The following TMEM120A variants were observed in gnomAD, a reference collection of about 807,000 sequenced individuals.
The protein encoded by TMEM120A is ion channel TACAN.
In TMEM120A, 45 loss-of-function variants were observed where a neutral mutation model predicts 54.3. The observed-to-expected ratio is 0.83, with a 90% confidence interval of 0.65 to 1.06. The LOEUF is 1.06. Ranked by LOEUF, TMEM120A falls within the 50% of genes least tolerant of loss-of-function variation. The pLI is 0.00. For missense variants in TMEM120A, 424 were observed against 441.7 expected, an observed-to-expected ratio of 0.96 and a Z score of 0.36; for synonymous variants, 204 against 178.5, an observed-to-expected ratio of 1.14 and a Z score of -1.14.
rs782279908 is a variant in TMEM120A, at chr7:75,988,439, C to T, written c.455G>A (p.Arg152His). The T allele has an allele frequency of 1.9e-5, 31 of 1,610,852 alleles. No individual in the cohort carries two copies. The highest frequency in any genetic ancestry group is 5.0e-5 in the Admixed American group (3 of 59,832). ...CGCCCACCTGGAGTTGAGCAGGAAG[C>T]GGCAAGTGAAGGAGATGAGGATGAG... is the stretch of plus-strand genomic sequence containing the variant. Reference protein sequence around the residue: ...IILILISFTCRFLLNSRVTDA... With the variant: ...IILILISFTCHFLLNSRVTDA... Residue 152 changes from arginine (R) to histidine (H), a missense_variant, in exon 5 of 12, where the codon CGC (arginine) becomes CAC (histidine). By Grantham distance (29) the Arg-to-His change is conservative. Coordinates refer to ENST00000493111, the MANE Select transcript of TMEM120A (RefSeq NM_031925.3).
At chr7:75,992,937 G>C (rs1307387548) in intron 1 of TMEM120A, among the ~76,000 whole-genome samples, 1 of 152,204 alleles carries the variant, frequency 6.6e-6, no homozygotes, top group Non-Finnish European at 1.5e-5. Flanking sequence ...CAAGTAGCTA[G>C]GATTACAGGC....
chr7:75,990,253 C>T (rs992901848), intron 3 of TMEM120A, among the ~76,000 whole-genome samples: 1 of 152,230 alleles, frequency 6.6e-6, no homozygotes, highest in Non-Finnish European at 1.5e-5. Context: ...CCTCCCACCT[C>T]GGGCCCCACC....
rs1789632784 is a variant in TMEM120A, at chr7:75,988,281, C to T, written c.534G>A (p.Arg178=). 1 of 1,612,254 alleles carries T rather than the reference C, an allele frequency of 6.2e-7. No homozygotes were observed. The highest frequency in any genetic ancestry group is 1.3e-5 in the African/African-American group (1 of 75,028). The change falls in exon 6 of 12, where the codon CGG becomes CGA. Residue 178 remains arginine, a synonymous_variant. Transcript: ENST00000493111. The stretch of plus-strand genomic sequence containing the variant: ...AGCCGTTGTTGATGAGGATGCTCTC[C>T]CGGATGGTCAGGGTGCAGTAGTACC... ...LVWYYCTLTI[R]ESILINNGSR...
intron 3 of TMEM120A, among the ~76,000 whole-genome samples, chr7:75,990,378 C>A (rs1185272288): frequency 1.3e-5 from 2 of 152,152 alleles, no homozygotes; most frequent in Non-Finnish European, 2.9e-5. Flanking sequence ...CCCCCACTAG[C>A]CCTTCTCGCT....
At position 75,993,259 on chromosome 7, in the gene TMEM120A, C is replaced by G. The variant is rs567646867; in HGVS notation, c.82-702G>C. ...CCTCTATCCTCTCAGCTCCTCCTGCCTATCTAGCCTTCCAGTACAGGAGGA... is the reference window on the plus strand; with the variant it reads ...CCTCTATCCTCTCAGCTCCTCCTGCGTATCTAGCCTTCCAGTACAGGAGGA... On this transcript the variant is annotated intron_variant, in intron 1 of 11. Transcript: ENST00000493111. Among the ~76,000 whole-genome samples, 3 of 152,322 alleles carry G rather than the reference C, an allele frequency of 2.0e-5. 1 individual carries two copies. The South Asian group carries it at 6.2e-4, about 32-fold the overall frequency.
intron 3 of TMEM120A, among the ~76,000 whole-genome samples, chr7:75,989,942 C>T (rs1178496591): frequency 6.6e-6 from 1 of 152,168 alleles, no homozygotes; most frequent in Non-Finnish European, 1.5e-5. Flanking sequence ...CAAGAGGTGA[C>T]AGCAAAGTCA....
At chr7:75,994,415 AG>A in intron 1 of TMEM120A, 74 bp downstream of exon 1, 1 of 1,381,274 alleles carries the variant, frequency 7.2e-7, no homozygotes, top group East Asian at 2.6e-5. Flanking sequence ...TGCCTGACCC[AG>A]GGCTGCCCGA....
chr7:75,986,961 C>T lies in TMEM120A; in HGVS notation c.*211G>A, dbSNP rs1001382738. 2 of 605,224 alleles carry T rather than the reference C, an allele frequency of 3.3e-6. No homozygotes were observed. The highest frequency in any genetic ancestry group is 5.5e-5 in the East Asian group (2 of 36,292). 37.5% of individuals were successfully genotyped at this position (605,224 alleles called of 1,614,324 possible). A position where few individuals can be genotyped will look rare whatever the true frequency, so the allele number is the denominator to read the frequency against. On this transcript the variant is annotated 3_prime_UTR_variant, in exon 12 of 12. Coordinates refer to ENST00000493111, the MANE Select transcript of TMEM120A (RefSeq NM_031925.3). ...TGGGGCCACCCAGCCCTCCCCTCCC[C>T]CAGGAGAACACACACGCTCAGGCCA...
intron 3 of TMEM120A, 55 bp downstream of exon 3, chr7:75,992,089 C>T (rs1040230766): frequency 3.8e-6 from 5 of 1,317,510 alleles, no homozygotes; most frequent in African/African-American, 2.9e-5. Flanking sequence ...GGAGGCAGCA[C>T]CCGGCTTCAG....
intron 6 of TMEM120A, 43 bp downstream of exon 6, chr7:75,988,209 A>G (rs377257405): frequency 2.5e-5 from 40 of 1,611,422 alleles, no homozygotes; most frequent in Admixed American, 3.3e-5. Context: ...GGGTCCTGGC[A>G]CCCCATTCCA....
rs911075481 is a variant in TMEM120A at position 75,994,390 on chromosome 7, C to T, written c.81+100G>A. 8 of 1,117,178 alleles carry T rather than the reference C, an allele frequency of 7.2e-6. No homozygotes were observed. In the Admixed American group the frequency reaches 1.3e-4, roughly 18 times the overall value. 69.2% of individuals were successfully genotyped at this position (1,117,178 alleles called of 1,614,324 possible). A position where few individuals can be genotyped will look rare whatever the true frequency, so the allele number is the denominator to read the frequency against. On this transcript the variant is annotated intron_variant, in intron 1 of 11. Coordinates refer to ENST00000493111, the MANE Select transcript of TMEM120A (RefSeq NM_031925.3). ...GTGACGCCAGGGCCCCGACCCCTGA[C>T]CCTTAGCTCCCCACTGCCTGACCCA...
In TMEM120A at chr7:75,988,251, C is replaced by T. The variant is rs782270029; in HGVS notation, c.563+1G>A. 3 of 1,611,968 alleles carry T rather than the reference C, an allele frequency of 1.9e-6. No individual in the cohort carries two copies. Among genetic ancestry groups the T allele is most frequent in the Non-Finnish European group, 2.5e-6 (3 of 1,179,858 alleles). ...CCTCCCTCAGGGCCCGCCCTGCCCA[C>T]CGGGAGCCGTTGTTGATGAGGATGC... is the stretch of plus-strand genomic sequence containing the variant. On this transcript the variant is annotated splice_donor_variant, in intron 6 of 11. Coordinates refer to ENST00000493111, the MANE Select transcript of TMEM120A (RefSeq NM_031925.3). LOFTEE classifies it high-confidence loss of function.
At chr7:75,992,386 C>T (rs575865342) in intron 2 of TMEM120A, 53 bp downstream of exon 2, 1 of 1,571,856 alleles carries the variant, frequency 6.4e-7, no homozygotes, top group East Asian at 2.3e-5. Flanking sequence ...CTCACAGCGC[C>T]AGCCCTCCCA....
intron 1 of TMEM120A, among the ~76,000 whole-genome samples, chr7:75,994,119 C>G (rs1554562550): frequency 6.6e-6 from 1 of 152,266 alleles, no homozygotes; most frequent in African/African-American, 2.4e-5. Flanking sequence ...CTCCCCCGAC[C>G]TGGGCTGCCT....
At position 75,987,775 on chromosome 7, in the gene TMEM120A, C is replaced by A; in HGVS notation, c.727G>T (p.Gly243Cys). 6.2e-7 allele frequency: 1 copy of A among 1,612,268 alleles called. No homozygotes were observed. The highest frequency in any genetic ancestry group is 1.1e-5 in the South Asian group (1 of 91,018). ...VQFLQYYYQS[G>C]CLYRLRALGE... is the part of the protein sequence containing the mutation. ...AGCGCCCGCAGGCGGTAGAGGCAGC[C>A]GCTCTGGTAGTAGTACTGGAGAAAC... Residue 243 changes from glycine to cysteine, a missense_variant, in exon 9 of 12, where the codon GGC becomes TGC. Coordinates refer to ENST00000493111, the MANE Select transcript of TMEM120A (RefSeq NM_031925.3).
chr7:75,989,359 T>C, intron 3 of TMEM120A, 135 bp from the exon 4 acceptor site: 2 of 679,912 alleles, frequency 2.9e-6, no homozygotes, highest in Non-Finnish European at 5.3e-6. Flanking sequence ...GGCCTTGGCA[T>C]CGGGTTCTGA....
chr7:75,988,441 G>T lies in TMEM120A; in HGVS notation c.453C>A (p.Cys151Ter). 1 of 1,611,328 alleles carries T rather than the reference G, an allele frequency of 6.2e-7. No homozygotes were observed. Among genetic ancestry groups the T allele is most frequent in the Non-Finnish European group, 8.5e-7 (1 of 1,179,584 alleles). The change falls in exon 5 of 12, where the codon TGC becomes TGA. Residue 151 changes from cysteine (C) to a stop codon, truncating the protein, a stop_gained. Transcript: ENST00000493111. LOFTEE classifies it high-confidence loss of function. ...TIILILISFT[C>*]RFLLNSRVTD... ...CCCACCTGGAGTTGAGCAGGAAGCG[G>T]CAAGTGAAGGAGATGAGGATGAGGA...
Position 75,988,110 on chromosome 7 carries a change from G to T in TMEM120A, c.602C>A (p.Thr201Asn). The change falls in exon 7 of 12, where the codon ACC (threonine) becomes AAC (asparagine). Residue 201 changes from threonine to asparagine, a missense_variant. Coordinates refer to ENST00000493111, the MANE Select transcript of TMEM120A (RefSeq NM_031925.3). ...CGTCAGCATGACTCCCGACAGGAAG[G>T]TGGACACGTAGTGATGGAACACCCA... ...GWWVFHHYVS[T>N]FLSGVMLTWP... The T allele has an allele frequency of 3.7e-6, 6 of 1,609,752 alleles. No homozygotes were observed. The highest frequency in any genetic ancestry group is 5.1e-6 in the Non-Finnish European group (6 of 1,178,602).
At position 75,989,106 on chromosome 7, in the gene TMEM120A, G is replaced by GGGGA. The variant is rs1789724654; in HGVS notation, c.377+58_377+59insTCCC. 48 of 438,338 alleles carry GGGGA rather than the reference G, an allele frequency of 1.1e-4. 2 individuals carry two copies. The highest frequency in any genetic ancestry group is 2.5e-4 in the South Asian group (11 of 44,408). 27.2% of individuals were successfully genotyped at this position (438,338 alleles called of 1,614,324 possible). On this transcript the variant is annotated intron_variant, in intron 4 of 11. Coordinates refer to ENST00000493111, the MANE Select transcript of TMEM120A (RefSeq NM_031925.3). The stretch of plus-strand genomic sequence containing the variant: ...GGGGTGGAGGTTGAGGGGGGGAGGG[G>GGGGA]GGTAGGGGGCTAGGGGTGGAGGGGT...
Sources: allele counts gnomAD v4.1 joint callset (sites outside exome capture counted in the v4.1 genomes callset), GRCh38; gene constraint gnomAD v4.1.1; transcripts MANE v1.5; gene names NCBI Gene and HGNC (gene_info 2026-07-23, HGNC 2026-07-21).